EVC2: variants seen among roughly 807,000 people sequenced by gnomAD.
The protein encoded by EVC2 is limbin.
EVC2 carries 148 observed loss-of-function variants against 149.3 expected under a neutral mutation model. The observed-to-expected ratio is 0.99, with a 90% CI of 0.87 to 1.14. The LOEUF is 1.14. Among genes scored for constraint, EVC2 ranks in the 50% most tolerant of loss-of-function variants. The pLI is 0.00. For synonymous variants in EVC2, 776 were observed against 649.9 expected, an observed-to-expected ratio of 1.19 and a Z score of -2.95; for missense variants, 1,854 against 1,627.3, an observed-to-expected ratio of 1.14 and a Z score of -2.40.
At chr4:5,656,415 T>G (rs1718523521) in intron 9 of EVC2, among the ~76,000 whole-genome samples, 1 of 152,160 alleles carries the variant, frequency 6.6e-6, no homozygotes, top group African/African-American at 2.4e-5. Flanking sequence ...ACCCAAAGAT[T>G]TCCAGCCCTA....
At chr4:5,568,782 C>G (rs1722471847) in intron 19 of EVC2, 142 bp from the exon 20 acceptor site, 1 of 1,104,070 alleles carries the variant, frequency 9.1e-7, no homozygotes, top group Non-Finnish European at 1.3e-6. Context: ...TGTTCCCGAA[C>G]TTTCAGAGCT....
chr4:5,562,423 T>A, downstream of EVC2: 1 of 1,002,382 alleles, frequency 1.0e-6, no homozygotes, highest in African/African-American at 1.7e-5. The surrounding 1 kb of genome is among the most constrained non-coding windows in gnomAD (Gnocchi z 4.3). Context: ...CAAACATGGG[T>A]TTTGTAATAA....
intron 1 of EVC2, among the ~76,000 whole-genome samples, chr4:5,698,929 C>T (rs187352283): frequency 5.9e-5 from 9 of 152,330 alleles, no homozygotes; most frequent in East Asian, 3.9e-4. Context: ...GGCTCTCACG[C>T]GGGCCAGACA....
In EVC2 at chr4:5,548,862, G is replaced by A. The variant is rs993391035; in HGVS notation, c.3420-5650C>T. On this transcript the variant is annotated intron_variant and NMD_transcript_variant, in intron 21 of 22. Coordinates refer to the EVC2 transcript ENST00000475313. The stretch of plus-strand genomic sequence containing the variant: ...AATCACCTGTAGATGACCCTCCAGG[G>A]ACAAGCAGTGCTAACATTTGCTCTA... Among the ~76,000 whole-genome samples, 3 of 152,108 alleles carry A rather than the reference G, an allele frequency of 2.0e-5. No homozygotes were observed. In the East Asian group the frequency reaches 5.8e-4, roughly 29 times the overall value.
chr4:5,534,559 A>T, the EVC2 span, among the ~76,000 whole-genome samples: 2 of 152,250 alleles, frequency 1.3e-5, no homozygotes, highest in Admixed American at 1.3e-4. Flanking sequence ...ATACAGTGCT[A>T]ATAAATTTCC....
rs549064153 is a variant in EVC2 at position 5,633,071 on chromosome 4, C to T, written c.1471-1039G>A. 2.0e-5 allele frequency among the ~76,000 whole-genome samples: 3 copies of T among 152,340 alleles called. No individual in the cohort carries two copies. In the South Asian group the frequency reaches 6.2e-4, roughly 32 times the overall value. ...GGAAGACTCTCCTGGGTGGGCCTGA[C>T]TCCTTAAAAGAAGCATTGGAGCCTT... On this transcript the variant is annotated intron_variant, in intron 10 of 21. Coordinates refer to ENST00000344408, the MANE Select transcript of EVC2 (RefSeq NM_147127.5). The surrounding 1 kb of genome is among the most constrained non-coding windows in gnomAD (Gnocchi z 4.4).
At chr4:5,650,624 TATATATATATATATAGAGAG>T (rs1459191091) in intron 9 of EVC2, among the ~76,000 whole-genome samples, 14 of 84,658 alleles carry the variant, frequency 1.7e-4, no homozygotes, top group African/African-American at 5.4e-4. Flanking sequence ...TATATATATA[TATATATATATATATAGAGAG>T]AGAGAGAGAG....
At chr4:5,535,872 A>G in the EVC2 span, among the ~76,000 whole-genome samples, 1 of 152,244 alleles carries the variant, frequency 6.6e-6, no homozygotes, top group Non-Finnish European at 1.5e-5. The surrounding 1 kb of genome is among the most constrained non-coding windows in gnomAD (Gnocchi z 4.7). Flanking sequence ...TATACCAAAA[A>G]CAAGGTAGCC....
chr4:5,657,885 C>T lies in EVC2; in HGVS notation c.1145+5222G>A, dbSNP rs1718634680. The stretch of plus-strand genomic sequence containing the variant: ...CTCTTCAATCTCTGTGCCCTCTACA[C>T]CTCCCACCCTGGCCTGGTCCTCTTT... On this transcript the variant is annotated intron_variant, in intron 9 of 21. Coordinates refer to ENST00000344408, the MANE Select transcript of EVC2 (RefSeq NM_147127.5). The surrounding 1 kb of genome is among the most constrained non-coding windows in gnomAD (Gnocchi z 4.7). Among the ~76,000 whole-genome samples the T allele has an allele frequency of 6.6e-6, 1 of 152,118 alleles. No homozygotes were observed. Among genetic ancestry groups the T allele is most frequent in the African/African-American group, 2.4e-5 (1 of 41,390 alleles).
chr4:5,572,041 G>C (rs1722673110), intron 19 of EVC2, among the ~76,000 whole-genome samples: 1 of 152,186 alleles, frequency 6.6e-6, no homozygotes, highest in Non-Finnish European at 1.5e-5. Context: ...AATCACGGCA[G>C]CCAATTCCTT....
At chr4:5,616,312 A>C (rs1715247526) in intron 15 of EVC2, among the ~76,000 whole-genome samples, 1 of 152,190 alleles carries the variant, frequency 6.6e-6, no homozygotes, top group Non-Finnish European at 1.5e-5. Context: ...GAAAGGGCTG[A>C]AGGAAGAGGG....
At chr4:5,538,023 A>T (rs940668396), downstream of EVC2, among the ~76,000 whole-genome samples, 1 of 151,932 alleles carries the variant, frequency 6.6e-6, no homozygotes, top group Non-Finnish European at 1.5e-5. Context: ...AGATCAGTAA[A>T]ATTGATAAAC....
intron 7 of EVC2, among the ~76,000 whole-genome samples, chr4:5,666,127 G>C (rs1006061317): frequency 2.6e-5 from 4 of 151,968 alleles, no homozygotes; most frequent in Non-Finnish European, 5.9e-5. Context: ...TATATTTAGA[G>C]AAAATCTCTT....
intron 6 of EVC2, among the ~76,000 whole-genome samples, 171 bp from the exon 7 acceptor site, chr4:5,681,484 T>G (rs993888668): frequency 2.0e-5 from 3 of 152,162 alleles, no homozygotes; most frequent in African/African-American, 7.2e-5. Context: ...GCTTTGGGGA[T>G]AGGATCCCTC....
chr4:5,563,043 C>T lies in EVC2; in HGVS notation c.3732G>A (p.Leu1244=), dbSNP rs774269538. 2.7e-5 allele frequency: 43 copies of T among 1,614,052 alleles called. No homozygotes were observed. In the Middle Eastern group the frequency reaches 1.2e-3, roughly 43 times the overall value. The change falls in exon 22 of 22, where the codon CTG becomes CTA. Residue 1244 remains leucine, a synonymous_variant. Transcript: ENST00000344408. ...CCAGTTCGCCAATGGGCTCCAGTGA[C>T]AGGTGTGGCCAACTTCCTTTTCCAG... The part of the protein sequence containing the change: ...IFSGKGSWPH[L]SLEPIGELAP...
At chr4:5,690,608 G>C (rs1721058743) in intron 4 of EVC2, among the ~76,000 whole-genome samples, 1 of 152,074 alleles carries the variant, frequency 6.6e-6, no homozygotes, top group South Asian at 2.1e-4. Context: ...AAAGGCTCCA[G>C]TGAGCTTCCC....
Position 5,671,369 on chromosome 4 carries a change from C to A in EVC2, c.871-5720G>T, listed in dbSNP as rs79288095. Among the ~76,000 whole-genome samples, 538 of 152,286 alleles carry A rather than the reference C, an allele frequency of 3.5e-3. 13 individuals carry two copies. In the East Asian group the frequency reaches 0.06, roughly 17 times the overall value. ...TTCCCACTCTGAGTATGCAGCTCAC[C>A]TTTTGGGGGTGAGGGAGTAGCAGCA... On this transcript the variant is annotated intron_variant, in intron 7 of 21. Coordinates refer to ENST00000344408, the MANE Select transcript of EVC2 (RefSeq NM_147127.5).
chr4:5,692,843 C>A (rs13149490), intron 3 of EVC2, among the ~76,000 whole-genome samples: 1 of 135,540 alleles, frequency 7.4e-6, no homozygotes, highest in African/African-American at 2.9e-5. Flanking sequence ...GTCCGCAGTC[C>A]GGCCTGGGCG....
At chr4:5,694,604 A>T in intron 2 of EVC2, 103 bp from the exon 3 acceptor site, 1 of 1,360,426 alleles carries the variant, frequency 7.4e-7, no homozygotes, top group Non-Finnish European at 1.0e-6. Flanking sequence ...AGGTACTTAG[A>T]AGACGTTTGT....
Sources: gnomAD v4.1 joint callset for allele counts (sites outside exome capture counted in the v4.1 genomes callset) on GRCh38, gnomAD v4.1.1 for gene constraint, Gnocchi (gnomAD v3.1) non-coding constraint, MANE v1.5 for transcripts, NCBI Gene and HGNC (gene_info 2026-07-23, HGNC 2026-07-21) for gene names.